Variants in SPOCK1 observed in about 807,000 individuals in gnomAD.
SPOCK1 encodes SPARC (osteonectin), cwcv and kazal like domains proteoglycan 1, also known as testican-1.
In SPOCK1, 23 loss-of-function variants were observed where a neutral mutation model predicts 55.3. The observed-to-expected ratio is 0.42, with a 90% confidence interval of 0.30 to 0.59. SPOCK1 has a LOEUF of 0.59. Among genes scored for constraint, SPOCK1 ranks in the 20% least tolerant of loss-of-function variants. The pLI is 0.22. For synonymous variants in SPOCK1, 226 were observed against 221.0 expected, an observed-to-expected ratio of 1.02 and a Z score of -0.20; for missense variants, 499 against 552.5, an observed-to-expected ratio of 0.90 and a Z score of 0.97.
At chr5:137,414,184 C>T (rs534508840) in intron 2 of SPOCK1, among the ~76,000 whole-genome samples, 1 of 152,306 alleles carries the variant, frequency 6.6e-6, no homozygotes, top group Admixed American at 6.5e-5. Context: ...TGCTTACTTC[C>T]TATTCCTCCT....
intron 3 of SPOCK1, among the ~76,000 whole-genome samples, chr5:137,258,663 A>G (rs1756686254): frequency 6.6e-6 from 1 of 152,240 alleles, no homozygotes; most frequent in Non-Finnish European, 1.5e-5. Flanking sequence ...AGGTGGATTA[A>G]CAGGAAGGTT....
intron 4 of SPOCK1, among the ~76,000 whole-genome samples, chr5:137,126,697 G>C (rs564018576): frequency 6.4e-4 from 98 of 152,300 alleles, no homozygotes; most frequent in Non-Finnish European, 1.2e-3. Context: ...AGGAGGCGGA[G>C]GCTGCAGTGA....
intron 6 of SPOCK1, among the ~76,000 whole-genome samples, chr5:137,004,910 G>A (rs1751215842): frequency 6.6e-6 from 1 of 152,120 alleles, no homozygotes; most frequent in African/African-American, 2.4e-5. Flanking sequence ...CTGGAAGAAG[G>A]GAGAGTGCAC....
intron 4 of SPOCK1, among the ~76,000 whole-genome samples, chr5:137,126,560 C>T (rs113797119): frequency 6.6e-4 from 101 of 152,196 alleles, no homozygotes; most frequent in African/African-American, 2.0e-3. Context: ...GTCAGGAGTT[C>T]GAGACCAGCC....
intron 2 of SPOCK1, among the ~76,000 whole-genome samples, chr5:137,441,064 T>C (rs1203868989): frequency 1.3e-5 from 2 of 152,210 alleles, no homozygotes; most frequent in African/African-American, 4.8e-5. Context: ...CTGCAGGTGA[T>C]TGAACATCCG....
chr5:137,274,606 T>C (rs1757027452), intron 2 of SPOCK1, among the ~76,000 whole-genome samples: 1 of 152,220 alleles, frequency 6.6e-6, no homozygotes, highest in East Asian at 1.9e-4. Context: ...CCAGGAACAC[T>C]GAGAGAAACA....
chr5:137,239,774 G>A (rs1756248859), intron 3 of SPOCK1, among the ~76,000 whole-genome samples: 1 of 152,058 alleles, frequency 6.6e-6, no homozygotes, highest in African/African-American at 2.4e-5. Context: ...ATAAGACAAG[G>A]GAATTCACTA....
At chr5:137,346,003 G>A (rs766873315) in intron 2 of SPOCK1, among the ~76,000 whole-genome samples, 1 of 152,188 alleles carries the variant, frequency 6.6e-6, no homozygotes, top group Non-Finnish European at 1.5e-5. Flanking sequence ...AAATAGATTC[G>A]GAAAAGCGAA....
intron 6 of SPOCK1, among the ~76,000 whole-genome samples, chr5:136,997,164 C>T (rs1751058122): frequency 6.6e-6 from 1 of 152,116 alleles, no homozygotes; most frequent in Non-Finnish European, 1.5e-5. Context: ...GTGTGTGAGC[C>T]ACGTCTCTGG....
intron 3 of SPOCK1, among the ~76,000 whole-genome samples, chr5:137,181,727 G>C (rs1754973892): frequency 6.6e-6 from 1 of 152,226 alleles, no homozygotes; most frequent in Non-Finnish European, 1.5e-5. Context: ...TAAACTCCCA[G>C]GGCAAATGCA....
chr5:137,489,664 T>C (rs1156784149), intron 2 of SPOCK1, among the ~76,000 whole-genome samples: 1 of 152,224 alleles, frequency 6.6e-6, no homozygotes, highest in African/African-American at 2.4e-5. Flanking sequence ...AGTTGACTCA[T>C]TCCCCTGCCC....
chr5:137,424,367 C>A (rs1326453692), intron 2 of SPOCK1, among the ~76,000 whole-genome samples: 1 of 152,152 alleles, frequency 6.6e-6, no homozygotes, highest in Non-Finnish European at 1.5e-5. Context: ...GGTGACAGAG[C>A]AGGACCTTAT....
chr5:137,476,375 C>T (rs10068620), intron 2 of SPOCK1, among the ~76,000 whole-genome samples: 5 of 152,098 alleles, frequency 3.3e-5, no homozygotes, highest in Non-Finnish European at 5.9e-5. Context: ...GTACCCTTTT[C>T]GAAATATTTT....
At chr5:137,172,981 A>C (rs1754781431) in intron 3 of SPOCK1, among the ~76,000 whole-genome samples, 1 of 152,212 alleles carries the variant, frequency 6.6e-6, no homozygotes, top group South Asian at 2.1e-4. Context: ...TGGCATGTCA[A>C]GGGCACAGAA....
intron 6 of SPOCK1, among the ~76,000 whole-genome samples, chr5:137,024,369 G>T (rs1170802182): frequency 1.3e-5 from 2 of 150,032 alleles, no homozygotes; most frequent in Non-Finnish European, 3.0e-5. Flanking sequence ...CAACACTGAT[G>T]TAAAGCTGGG....
chr5:136,980,650 T>C (rs13184326), intron 9 of SPOCK1, among the ~76,000 whole-genome samples: 30,597 of 152,126 alleles, frequency 0.2, 3,722 homozygotes, highest in African/African-American at 0.33. Context: ...CCCAGCCATG[T>C]GGAACTGTGA....
intron 6 of SPOCK1, among the ~76,000 whole-genome samples, chr5:137,033,425 C>T (rs947948056): frequency 6.6e-6 from 1 of 152,198 alleles, no homozygotes; most frequent in South Asian, 2.1e-4. Flanking sequence ...TGAAATGCCC[C>T]ACGTCTGTGA....
intron 2 of SPOCK1, among the ~76,000 whole-genome samples, chr5:137,397,030 G>T (rs1751865846): frequency 6.6e-6 from 1 of 152,214 alleles, no homozygotes; most frequent in African/African-American, 2.4e-5. Context: ...GAGATGTTGA[G>T]CAAGTTGCCC....
intron 2 of SPOCK1, among the ~76,000 whole-genome samples, chr5:137,403,192 C>T (rs534814901): frequency 6.6e-6 from 1 of 152,342 alleles, no homozygotes; most frequent in East Asian, 1.9e-4. Flanking sequence ...TCAAGGAAAA[C>T]TGCTAGGATT....
Sources: allele counts gnomAD v4.1 joint callset (sites outside exome capture counted in the v4.1 genomes callset), GRCh38; gene constraint gnomAD v4.1.1; transcripts MANE v1.5; gene names NCBI Gene and HGNC (gene_info 2026-07-23, HGNC 2026-07-21).